MCTP1: variants seen among roughly 807,000 people sequenced by gnomAD.
MCTP1 encodes the protein multiple C2 and transmembrane domain-containing protein 1.
A neutral mutation model predicts 120.6 loss-of-function variants in MCTP1; 69 were observed. That is an observed-to-expected ratio of 0.57 (90% CI 0.47 to 0.70). The LOEUF (loss-of-function observed/expected upper bound fraction) is 0.70. Among genes scored for constraint, MCTP1 ranks in the 30% least tolerant of loss-of-function variants. The probability of loss-of-function intolerance (pLI) is 0.00; values close to 1 mark genes in which losing one functional copy is unlikely to be tolerated. For synonymous variants in MCTP1, 529 were observed against 493.1 expected (o/e 1.07, Z -0.96); for missense variants, 1,203 against 1,248.8 (o/e 0.96, Z 0.55).
chr5:95,082,565 G>A (rs1178971626), intron 1 of MCTP1, among the ~76,000 whole-genome samples: 2 of 152,008 alleles, frequency 1.3e-5, no homozygotes, highest in Non-Finnish European at 2.9e-5. Flanking sequence ...ATAAGGTGAA[G>A]CATATATGTA....
chr5:95,043,866 CAG>C (rs1842746230), intron 1 of MCTP1, among the ~76,000 whole-genome samples: 1 of 152,202 alleles, frequency 6.6e-6, no homozygotes, highest in Admixed American at 6.6e-5. Flanking sequence ...GAGCAGGAAC[CAG>C]AGAGTATAGC....
At chr5:94,755,853 CTCT>C (rs988081352) in intron 19 of MCTP1, among the ~76,000 whole-genome samples, 1 of 152,168 alleles carries the variant, frequency 6.6e-6, no homozygotes, top group African/African-American at 2.4e-5. Flanking sequence ...CTGCTATAAC[CTCT>C]TCTTTGAACT....
At chr5:95,190,682 T>C (rs1374339287) in intron 1 of MCTP1, among the ~76,000 whole-genome samples, 1 of 152,064 alleles carries the variant, frequency 6.6e-6, no homozygotes, top group East Asian at 1.9e-4. Flanking sequence ...ATTCCTTTTC[T>C]ATCTTCCTGA....
intron 1 of MCTP1, among the ~76,000 whole-genome samples, chr5:95,080,710 T>G (rs887838413): frequency 6.6e-6 from 1 of 152,176 alleles, no homozygotes; most frequent in African/African-American, 2.4e-5. Flanking sequence ...ACCTTTGAAT[T>G]AGCTTTAAGC....
chr5:95,228,897 G>C (rs1056766011), intron 1 of MCTP1, among the ~76,000 whole-genome samples: 1 of 152,130 alleles, frequency 6.6e-6, no homozygotes, highest in Non-Finnish European at 1.5e-5. Flanking sequence ...CCCAGAAGCC[G>C]AGCAGATGCC....
chr5:94,946,197 A>G (rs1302035542), intron 3 of MCTP1, among the ~76,000 whole-genome samples: 1 of 152,162 alleles, frequency 6.6e-6, no homozygotes, highest in African/African-American at 2.4e-5. Flanking sequence ...TACTGCCTCA[A>G]TAGCTGCCCC....
chr5:94,743,494 C>A lies in MCTP1; in HGVS notation c.2611-28608G>T, dbSNP rs558640934. 2.8e-4 allele frequency among the ~76,000 whole-genome samples: 43 copies of A among 152,246 alleles called. 1 individual carries two copies. The highest frequency in any genetic ancestry group is 9.9e-4 in the African/African-American group (41 of 41,544). On this transcript the variant is annotated intron_variant, in intron 19 of 22. Transcript: ENST00000515393. ...CCAACAAGGAGCTATCCGACACAAA[C>A]GGAAACGCCTGCACAGGCCAGGCTG...
intron 6 of MCTP1, chr5:94,931,006 TCATTAATGC>T (rs1337934926): frequency 6.6e-6 from 1 of 152,120 alleles, no homozygotes; most frequent in African/African-American, 2.4e-5. Context: ...TATTCTTTGG[TCATTAATGC>T]CATTAATGCC....
intron 20 of MCTP1, among the ~76,000 whole-genome samples, chr5:94,712,675 C>T (rs1433425089): frequency 6.6e-6 from 1 of 151,990 alleles, no homozygotes; most frequent in Non-Finnish European, 1.5e-5. Flanking sequence ...TGTCTTCTTC[C>T]TCTTATGGTC....
At chr5:95,258,211 C>G (rs568859420) in intron 1 of MCTP1, among the ~76,000 whole-genome samples, 4 of 152,256 alleles carry the variant, frequency 2.6e-5, no homozygotes, top group African/African-American at 9.6e-5. Flanking sequence ...AATGCTACCT[C>G]AGCCAAGCAA....
At chr5:95,211,777 C>A (rs890637182) in intron 1 of MCTP1, among the ~76,000 whole-genome samples, 1 of 152,186 alleles carries the variant, frequency 6.6e-6, no homozygotes, top group Non-Finnish European at 1.5e-5. Context: ...CCAGTTTTTT[C>A]TGCTCTGTTT....
At chr5:95,059,570 T>G (rs916338464) in intron 1 of MCTP1, among the ~76,000 whole-genome samples, 4 of 151,258 alleles carry the variant, frequency 2.6e-5, no homozygotes, top group Non-Finnish European at 5.9e-5. Flanking sequence ...ACATGAAAGT[T>G]GAAAAAAAAA....
chr5:95,103,080 A>G (rs577378780), intron 1 of MCTP1, among the ~76,000 whole-genome samples: 4 of 152,028 alleles, frequency 2.6e-5, no homozygotes, highest in Non-Finnish European at 5.9e-5. Context: ...ATCATTTAAT[A>G]TATACTTAAC....
chr5:94,935,439 T>C (rs774222074), intron 5 of MCTP1, among the ~76,000 whole-genome samples: 1 of 152,072 alleles, frequency 6.6e-6, no homozygotes, highest in Non-Finnish European at 1.5e-5. Context: ...CTTACCACTT[T>C]GTAATGCTAA....
chr5:95,153,741 G>C (rs1197896194), intron 1 of MCTP1, among the ~76,000 whole-genome samples: 1 of 152,196 alleles, frequency 6.6e-6, no homozygotes, highest in Non-Finnish European at 1.5e-5. Flanking sequence ...GAGTGATCAA[G>C]AAGTACTGAG....
intron 17 of MCTP1, among the ~76,000 whole-genome samples, chr5:94,816,710 A>G (rs1293119432): frequency 6.6e-6 from 1 of 152,158 alleles, no homozygotes; most frequent in African/African-American, 2.4e-5. Flanking sequence ...CATGTGCCAT[A>G]GCAATCATTT....
At chr5:95,250,217 G>A (rs3104738) in intron 1 of MCTP1, among the ~76,000 whole-genome samples, 22,791 of 152,114 alleles carry the variant, frequency 0.15, 1,866 homozygotes, top group Non-Finnish European at 0.19. Flanking sequence ...TTTGTAGCCT[G>A]TTACGAAATG....
intron 1 of MCTP1, among the ~76,000 whole-genome samples, chr5:95,269,336 C>T (rs2152729489): frequency 6.6e-6 from 1 of 152,188 alleles, no homozygotes; most frequent in Admixed American, 6.5e-5. Flanking sequence ...TTTTCCTGTC[C>T]AAAGATCATA....
rs576113805 is a variant in MCTP1, at chr5:94,934,319, T to C, written c.1174-2328A>G. 2.8e-4 allele frequency among the ~76,000 whole-genome samples: 43 copies of C among 151,916 alleles called. No individual in the cohort carries two copies. In the South Asian group the frequency reaches 8.3e-3, roughly 29 times the overall value. ...GCAAATTATAGAAAAATAAGATTTA[T>C]TTTTTTGCTCTATGATCTTAACTTC... On this transcript the variant is annotated intron_variant, in intron 5 of 22. Transcript: ENST00000515393.
Sources: gnomAD v4.1 joint callset for allele counts (sites outside exome capture counted in the v4.1 genomes callset) on GRCh38, gnomAD v4.1.1 for gene constraint, MANE v1.5 for transcripts, NCBI Gene and HGNC (gene_info 2026-07-23, HGNC 2026-07-21) for gene names.